COL16A1: variants seen among roughly 807,000 people sequenced by gnomAD.
COL16A1 encodes the protein collagen alpha-1(XVI) chain.
COL16A1 carries 189 observed loss-of-function variants against 266.3 expected under a neutral mutation model. The ratio of observed to expected loss-of-function variants is 0.71; its 90% CI spans 0.63 to 0.80. COL16A1 has a LOEUF of 0.80. Among genes scored for constraint, COL16A1 ranks in the 30% least tolerant of loss-of-function variants. The pLI is 0.00. For missense variants in COL16A1, 1,928 were observed against 2,122.4 expected (o/e 0.91, Z 1.80); for synonymous variants, 740 against 782.3 (o/e 0.95, Z 0.90).
rs199979082 is a variant in COL16A1 at position 31,691,464 on chromosome 1, G to T, written c.1351C>A (p.Pro451Thr). The change falls in exon 19 of 71, where the codon CCC becomes ACC. Residue 451 changes from proline to threonine, a missense_variant. Pro to Thr is a conservative substitution (Grantham distance 38, BLOSUM62 -1). Transcript: ENST00000373672. Reference protein sequence around the residue: ...GPEGLAGEPGPPGLPGPPGIG... With the variant: ...GPEGLAGEPGTPGLPGPPGIG... ...CCAGGGGGTCCAGGGAGGCCGGGGG[G>T]CCCAGGCTCTCCTGCCAGCCCCTCA... The T allele has an allele frequency of 1.2e-6, 2 of 1,613,094 alleles. No homozygotes were observed. Among genetic ancestry groups the T allele is most frequent in the African/African-American group, 2.7e-5 (2 of 74,882 alleles).
chr1:31,661,811 G>A, intron 58 of COL16A1, 107 bp from the exon 59 acceptor site: 1 of 1,245,340 alleles, frequency 8.0e-7, no homozygotes, highest in Non-Finnish European at 1.1e-6. Context: ...ATCCTAAGAT[G>A]GAGGGAAGAA....
In COL16A1 at chr1:31,697,395, T is replaced by C; in HGVS notation, c.658-95A>G. 7.8e-7 allele frequency: 1 copy of C among 1,274,732 alleles called. No homozygotes were observed. Among genetic ancestry groups the C allele is most frequent in the South Asian group, 1.4e-5 (1 of 71,900 alleles). The allele number at this position is 1,274,732 out of a possible 1,614,324, so 79.0% of individuals were successfully genotyped here. ...GCACAGAGATGTCTCTGCCCCAGGA[T>C]GTGACCTCAGGGTGTTTCCAGTCTG... is the stretch of plus-strand genomic sequence containing the variant. On this transcript the variant is annotated intron_variant, in intron 6 of 70. Transcript: ENST00000373672. This position sits in a 1 kb window ranked among gnomAD's most constrained non-coding sequence, Gnocchi z 4.2.
rs370604599 is a variant in COL16A1 at position 31,661,133 on chromosome 1, G to A, written c.3772-14C>T. ...GCCACAGTCACCCTAGAAGAGAGAGGAGCAGCTGGAGCTTACCAGACCTTC... is the reference window on the plus strand; with the variant it reads ...GCCACAGTCACCCTAGAAGAGAGAGAAGCAGCTGGAGCTTACCAGACCTTC... On this transcript the variant is annotated splice_polypyrimidine_tract_variant and intron_variant, in intron 60 of 70. Coordinates refer to ENST00000373672, the MANE Select transcript of COL16A1 (RefSeq NM_001856.4). 3.2e-6 allele frequency: 5 copies of A among 1,559,004 alleles called. No individual in the cohort carries two copies. In the East Asian group the frequency reaches 9.5e-5, roughly 30 times the overall value.
At position 31,688,751 on chromosome 1, in the gene COL16A1, C is replaced by T; in HGVS notation, c.1767+110G>A. ...ACAGGCCTGGGACACCTGCCTCTTC[C>T]CCTCCCTCCTGATCCCTGCCCTGAG... is the stretch of plus-strand genomic sequence containing the variant. On this transcript the variant is annotated intron_variant, in intron 25 of 70. Transcript: ENST00000373672. The surrounding 1 kb of genome is among the most constrained non-coding windows in gnomAD (Gnocchi z 4.9). 8.0e-7 allele frequency: 1 copy of T among 1,242,482 alleles called. No homozygotes were observed. The highest frequency in any genetic ancestry group is 1.1e-6 in the Non-Finnish European group (1 of 881,580). 77.0% of individuals were successfully genotyped at this position (1,242,482 alleles called of 1,614,324 possible).
intron 11 of COL16A1, 79 bp from the exon 12 acceptor site, chr1:31,694,249 A>T (rs1644400255): frequency 8.5e-7 from 1 of 1,178,178 alleles, no homozygotes; most frequent in African/African-American, 1.5e-5. Context: ...AGCAATTTAG[A>T]CAGGGTCACA....
chr1:31,690,360 G>A lies in COL16A1; in HGVS notation c.1509+7C>T, dbSNP rs1644204838. 6.2e-7 allele frequency: 1 copy of A among 1,613,846 alleles called. No homozygotes were observed. Among genetic ancestry groups the A allele is most frequent in the South Asian group, 1.1e-5 (1 of 91,052 alleles). On this transcript the variant is annotated splice_region_variant and intron_variant, in intron 22 of 70. Transcript: ENST00000373672. ...CCCCGATCTGGGCAGCCAGGCCTAG[G>A]ACTCACCTTCTCTCCCTTCACACCT...
At chr1:31,683,300 C>T in intron 35 of COL16A1, 34 bp downstream of exon 35, 1 of 1,614,220 alleles carries the variant, frequency 6.2e-7, no homozygotes, top group Non-Finnish European at 8.5e-7. Flanking sequence ...GCCCCCTCCC[C>T]TGCTATCCTC....
chr1:31,685,842 G>C lies in COL16A1; in HGVS notation c.1885-72C>G. On this transcript the variant is annotated intron_variant, in intron 28 of 70. Coordinates refer to ENST00000373672, the MANE Select transcript of COL16A1 (RefSeq NM_001856.4). This position sits in a 1 kb window ranked among gnomAD's most constrained non-coding sequence, Gnocchi z 4.0. The stretch of plus-strand genomic sequence containing the variant: ...CACTTGAGCGAGGTTTGGAATCTAG[G>C]GCTGGGGAATGTCACTGGGTCTGAC... 1 of 1,592,484 alleles carries C rather than the reference G, an allele frequency of 6.3e-7. No homozygotes were observed. The highest frequency in any genetic ancestry group is 1.3e-5 in the African/African-American group (1 of 74,554).
intron 8 of COL16A1, 107 bp from the exon 9 acceptor site, chr1:31,696,248 C>T: frequency 4.0e-6 from 4 of 998,744 alleles, no homozygotes; most frequent in Non-Finnish European, 4.6e-6. Context: ...AATCCTTCAG[C>T]CTGGCATCTG....
intron 8 of COL16A1, 142 bp downstream of exon 8, chr1:31,696,821 T>C: frequency 3.1e-5 from 43 of 1,395,038 alleles, no homozygotes; most frequent in Non-Finnish European, 4.2e-5. Context: ...AGGGGTGGCG[T>C]ACAAATAGGG....
intron 42 of COL16A1, among the ~76,000 whole-genome samples, chr1:31,678,753 G>A (rs1643385597): frequency 6.6e-6 from 1 of 152,146 alleles, no homozygotes; most frequent in African/African-American, 2.4e-5. Context: ...TATGAGTTAG[G>A]CGCACTTAGC....
chr1:31,697,132 C>A lies in COL16A1; in HGVS notation c.739-44G>T, dbSNP rs1419333678. On this transcript the variant is annotated intron_variant, in intron 7 of 70. Coordinates refer to ENST00000373672, the MANE Select transcript of COL16A1 (RefSeq NM_001856.4). The surrounding 1 kb of genome is among the most constrained non-coding windows in gnomAD (Gnocchi z 4.2). Reference sequence around the variant, plus strand: ...GGGCTAGGGTCAGTACAGGAGCAGACTCCTCCTAAGACCTCCAGGCATCAC... The same window carrying A: ...GGGCTAGGGTCAGTACAGGAGCAGAATCCTCCTAAGACCTCCAGGCATCAC... 1.9e-6 allele frequency: 3 copies of A among 1,613,378 alleles called. No individual in the cohort carries two copies. The highest frequency in any genetic ancestry group is 2.5e-6 in the Non-Finnish European group (3 of 1,179,528).
At chr1:31,689,117 A>G in intron 23 of COL16A1, 32 bp from the exon 24 acceptor site, 1 of 1,613,082 alleles carries the variant, frequency 6.2e-7, no homozygotes, top group East Asian at 2.2e-5. Context: ...GGGCTGAGGC[A>G]GGGCACGATG....
At position 31,654,052 on chromosome 1, in the gene COL16A1, A is replaced by C; in HGVS notation, c.4358-9T>G. The C allele has an allele frequency of 1.2e-6, 2 of 1,611,974 alleles. No homozygotes were observed. Among genetic ancestry groups the C allele is most frequent in the Non-Finnish European group, 1.7e-6 (2 of 1,178,558 alleles). On this transcript the variant is annotated splice_polypyrimidine_tract_variant and intron_variant, in intron 68 of 70. Coordinates refer to ENST00000373672, the MANE Select transcript of COL16A1 (RefSeq NM_001856.4). ...GTAGTAAGCCATTCTCTCTGTAAAAAAAGGACAAGGACAGGGACAGGTCAG... is the reference window on the plus strand; with the variant it reads ...GTAGTAAGCCATTCTCTCTGTAAAACAAGGACAAGGACAGGGACAGGTCAG...
rs1164947501 is a variant in COL16A1 at position 31,658,581 on chromosome 1, G to A, written c.3931-4C>T. 3.8e-6 allele frequency: 6 copies of A among 1,599,446 alleles called. No homozygotes were observed. Among genetic ancestry groups the A allele is most frequent in the South Asian group, 1.1e-5 (1 of 87,818 alleles). On this transcript the variant is annotated splice_polypyrimidine_tract_variant and splice_region_variant and intron_variant, in intron 63 of 70. Transcript: ENST00000373672. ...CTCCTCGGTCTCCTTTCAGACCCTA[G>A]AGAATAGGAAGGGGGACAGTGAGAG...
At position 31,697,885 on chromosome 1, in the gene COL16A1, A is replaced by G. The variant is rs747083001; in HGVS notation, c.657+21T>C. On this transcript the variant is annotated intron_variant, in intron 6 of 70. Coordinates refer to ENST00000373672, the MANE Select transcript of COL16A1 (RefSeq NM_001856.4). The surrounding 1 kb of genome is among the most constrained non-coding windows in gnomAD (Gnocchi z 4.2). ...TTCCCAGAAGGCAGGAACAGAGGTC[A>G]GGGCCTGACCTAGCACTCACCGAGA... is the stretch of plus-strand genomic sequence containing the variant. 2 of 1,584,758 alleles carry G rather than the reference A, an allele frequency of 1.3e-6. No homozygotes were observed. The highest frequency in any genetic ancestry group is 1.7e-6 in the Non-Finnish European group (2 of 1,163,398).
chr1:31,683,089 A>AG, intron 36 of COL16A1, 87 bp from the exon 37 acceptor site: 1 of 1,608,920 alleles, frequency 6.2e-7, no homozygotes, highest in Non-Finnish European at 8.5e-7. Flanking sequence ...AACAGATCTT[A>AG]GGCAGCCCTC....
chr1:31,658,360 G>T, intron 64 of COL16A1, 128 bp downstream of exon 64: 2 of 824,394 alleles, frequency 2.4e-6, no homozygotes, highest in Non-Finnish European at 3.9e-6. Flanking sequence ...CGAACGCCAC[G>T]CTGCCATCCT....
At chr1:31,665,985 A>C (rs1642106711) in intron 53 of COL16A1, 50 bp from the exon 54 acceptor site, 2 of 1,613,396 alleles carry the variant, frequency 1.2e-6, no homozygotes, top group African/African-American at 1.3e-5. Context: ...TCCTGCCCTC[A>C]GACCCCAGGA....
Sources: gnomAD v4.1 joint callset for allele counts (sites outside exome capture counted in the v4.1 genomes callset) on GRCh38, gnomAD v4.1.1 for gene constraint, Gnocchi (gnomAD v3.1) non-coding constraint, MANE v1.5 for transcripts, NCBI Gene and HGNC (gene_info 2026-07-23, HGNC 2026-07-21) for gene names.